Variants in PHF20L1 observed in about 807,000 individuals in gnomAD.
PHF20L1 encodes the protein PHD finger protein 20 like 1.
Under a neutral mutation model 125.5 loss-of-function variants are expected in PHF20L1, and 44 were observed. The observed-to-expected ratio is 0.35, with a 90% confidence interval of 0.28 to 0.45. The LOEUF (loss-of-function observed/expected upper bound fraction) is 0.45, where lower values mean the gene tolerates loss of function less well. Among genes scored for constraint, PHF20L1 ranks in the 20% least tolerant of loss-of-function variants. The pLI is 1.00. For missense variants in PHF20L1, 1,012 were observed against 1,217.2 expected (o/e 0.83, Z 2.51); for synonymous variants, 380 against 403.1 (o/e 0.94, Z 0.69).
At position 132,817,381 on chromosome 8, in the gene PHF20L1, G is replaced by C. The variant is rs576991759; in HGVS notation, c.1415G>C (p.Cys472Ser). The C allele has an allele frequency of 9.9e-6, 16 of 1,612,674 alleles. No homozygotes were observed. The highest frequency in any genetic ancestry group is 7.7e-5 in the South Asian group (7 of 91,056). ...AHLPLEKLGP[C>S]LPLDLSRGSE... ...TTGCCACTTGAGAAGCTGGGACCCT[G>C]TCTCCCTCTTGACTTAAGTCGTGGT... Residue 472 changes from cysteine (C) to serine (S), a missense_variant, in exon 12 of 21, where the codon TGT becomes TCT. Physicochemically the swap from Cys to Ser is moderately radical, Grantham distance 112 (BLOSUM62 -1). This residue lies in a region of PHF20L1 where 320 missense variants were observed against 293.8 expected (regional missense o/e 1.09). Coordinates refer to ENST00000395386, the MANE Select transcript of PHF20L1 (RefSeq NM_016018.5).
chr8:132,825,227 A>G (rs747565884), intron 13 of PHF20L1, 37 bp from the exon 14 acceptor site: 7 of 1,591,008 alleles, frequency 4.4e-6, no homozygotes, highest in Non-Finnish European at 6.0e-6. Flanking sequence ...ACTCAGGATC[A>G]GTCGTGATTG....
intron 2 of PHF20L1, 142 bp downstream of exon 2, chr8:132,778,053 T>C: frequency 1.7e-6 from 1 of 589,088 alleles, no homozygotes; most frequent in Non-Finnish European, 3.0e-6. Flanking sequence ...TGTTTTTTAG[T>C]TTTCCTACTC....
chr8:132,801,193 TC>T (rs1833004024), intron 6 of PHF20L1, among the ~76,000 whole-genome samples: 1 of 151,702 alleles, frequency 6.6e-6, no homozygotes, highest in Non-Finnish European at 1.5e-5. Flanking sequence ...CATTTCTTCT[TC>T]CTGAGGGCGT....
intron 15 of PHF20L1, among the ~76,000 whole-genome samples, chr8:132,835,702 C>T (rs28500471): frequency 0.44 from 67,161 of 151,934 alleles, 14,893 homozygotes; most frequent in South Asian, 0.52. Context: ...GGGGAACTCA[C>T]GGTTCCGGTT....
intron 6 of PHF20L1, among the ~76,000 whole-genome samples, chr8:132,800,988 G>A (rs1832978784): frequency 1.3e-5 from 2 of 151,588 alleles, no homozygotes; most frequent in East Asian, 1.9e-4. Flanking sequence ...GTGTGGAATG[G>A]TAGTGTTGAT....
chr8:132,830,064 A>ACC (rs1836595309), intron 14 of PHF20L1, among the ~76,000 whole-genome samples: 1 of 152,012 alleles, frequency 6.6e-6, no homozygotes, highest in African/African-American at 2.4e-5. Context: ...AGGAGTCCAA[A>ACC]ATGGGTCTCT....
At chr8:132,784,559 G>GGTAA (rs1433221205) in intron 2 of PHF20L1, among the ~76,000 whole-genome samples, 1 of 151,920 alleles carries the variant, frequency 6.6e-6, no homozygotes, top group East Asian at 1.9e-4. Flanking sequence ...TTGAGGCAGA[G>GGTAA]GTAAGATAGA....
rs1830990644 is a variant in PHF20L1 at position 132,786,085 on chromosome 8, A to G, written c.83+8174A>G. 4.6e-5 allele frequency among the ~76,000 whole-genome samples: 7 copies of G among 152,146 alleles called. No individual in the cohort carries two copies. In the South Asian group the frequency reaches 1.4e-3, roughly 32 times the overall value. On this transcript the variant is annotated intron_variant, in intron 2 of 20. Transcript: ENST00000395386. ...GTGACTTTTGGATTGAAAACTAAAC[A>G]TAAGATGATATTTGTTAACCTAGAT...
intron 15 of PHF20L1, among the ~76,000 whole-genome samples, chr8:132,835,790 T>A (rs1489597527): frequency 6.6e-6 from 1 of 152,122 alleles, no homozygotes; most frequent in Non-Finnish European, 1.5e-5. Context: ...GTTTTCCCAC[T>A]CCATGGCTGC....
chr8:132,834,148 C>T (rs1837091349), intron 15 of PHF20L1, among the ~76,000 whole-genome samples: 1 of 152,032 alleles, frequency 6.6e-6, no homozygotes, highest in African/African-American at 2.4e-5. Context: ...ACTTTCAGCT[C>T]TGTCATCCAT....
Position 132,824,026 on chromosome 8 carries a change from A to G in PHF20L1, c.1602A>G (p.Lys534=), listed in dbSNP as rs1835886812. 1 of 1,601,612 alleles carries G rather than the reference A, an allele frequency of 6.2e-7. No individual in the cohort carries two copies. The part of the protein sequence containing the change: ...AAAGISKTEK[K]VKLEDKSSTA... ...CAGGAATATCGAAAACAGAAAAAAAAGTGAAATTGGAAGACAAAAGCTCAA... is the reference window on the plus strand; with the variant it reads ...CAGGAATATCGAAAACAGAAAAAAAGGTGAAATTGGAAGACAAAAGCTCAA... Residue 534 remains lysine (K), a synonymous_variant, in exon 13 of 21, where the codon AAA becomes AAG. Transcript: ENST00000395386.
At position 132,817,400 on chromosome 8, in the gene PHF20L1, T is replaced by G; in HGVS notation, c.1434T>G (p.Ser478Arg). Residue 478 changes from serine (S) to arginine (R), a missense_variant, in exon 12 of 21, where the codon AGT (serine) becomes AGG (arginine). Transcript: ENST00000395386. ...GACCCTGTCTCCCTCTTGACTTAAG[T>G]CGTGGTTCAGAAGTTACAGCACCGG... ...KLGPCLPLDL[S>R]RGSEVTAPVA... The G allele has an allele frequency of 6.2e-7, 1 of 1,612,884 alleles. No individual in the cohort carries two copies. The highest frequency in any genetic ancestry group is 8.5e-7 in the Non-Finnish European group (1 of 1,179,238).
intron 7 of PHF20L1, 174 bp from the exon 8 acceptor site, chr8:132,804,441 C>A (rs557011769): frequency 2.2e-6 from 1 of 462,816 alleles, no homozygotes; most frequent in Non-Finnish European, 3.8e-6. Context: ...CTTTAGTAGT[C>A]TTTTATTTCT....
intron 7 of PHF20L1, among the ~76,000 whole-genome samples, chr8:132,804,394 A>C (rs890746752): frequency 2.0e-5 from 3 of 151,856 alleles, no homozygotes; most frequent in African/African-American, 7.2e-5. Flanking sequence ...AAAAAGCAGT[A>C]AGTTATTTTC....
rs10104060 is a variant in PHF20L1 at position 132,781,975 on chromosome 8, A to G, written c.83+4064A>G. Among the ~76,000 whole-genome samples the G allele has an allele frequency of 5.5e-3, 839 of 152,200 alleles. 38 individuals carry two copies. The East Asian group carries it at 0.11, about 21-fold the overall frequency. On this transcript the variant is annotated intron_variant, in intron 2 of 20. Coordinates refer to ENST00000395386, the MANE Select transcript of PHF20L1 (RefSeq NM_016018.5). Reference sequence around the variant, plus strand: ...TATAGCTTTACAATATTTTAAAAACATTTTCTTTTAACTTTTTCAATCATC... The same window carrying G: ...TATAGCTTTACAATATTTTAAAAACGTTTTCTTTTAACTTTTTCAATCATC...
In PHF20L1 at chr8:132,825,368, C is replaced by T. The variant is rs149978591; in HGVS notation, c.1741C>T (p.His581Tyr). ...KKKKKKKSKQHDYSDYEDSSL... is the reference protein window; with the variant it reads ...KKKKKKKSKQYDYSDYEDSSL... The stretch of plus-strand genomic sequence containing the variant: ...AAAAAAGAAAAAGAAATCTAAGCAA[C>T]ATGGTAAGTACACTGAGATGATTAT... Residue 581 changes from histidine to tyrosine, a missense_variant, in exon 14 of 21, where the codon CAT becomes TAT. His to Tyr is a moderately conservative substitution (Grantham distance 83). This residue lies in a region of PHF20L1 where 320 missense variants were observed against 293.8 expected (regional missense o/e 1.09). Transcript: ENST00000395386. 2.9e-5 allele frequency: 44 copies of T among 1,497,272 alleles called. No homozygotes were observed. In the African/African-American group the frequency reaches 6.1e-4, roughly 21 times the overall value. 92.7% of individuals were successfully genotyped at this position (1,497,272 alleles called of 1,614,324 possible).
chr8:132,817,566 G>T (rs1192831600), intron 12 of PHF20L1, 21 bp downstream of exon 12: 2 of 1,552,766 alleles, frequency 1.3e-6, no homozygotes, highest in Middle Eastern at 1.7e-4. Flanking sequence ...AAAAATAAAG[G>T]CTCCTATAAG....
chr8:132,790,361 A>C (rs1831543113), intron 2 of PHF20L1, among the ~76,000 whole-genome samples: 1 of 152,242 alleles, frequency 6.6e-6, no homozygotes. Context: ...TTACCATTTA[A>C]TGCATTTCAC....
In PHF20L1 at chr8:132,836,608, AATCAGG is replaced by A; in HGVS notation, c.1980_1985del (p.Gln661_Asp662del). 1 of 1,612,668 alleles carries A rather than the reference AATCAGG, an allele frequency of 6.2e-7. No individual in the cohort carries two copies. Among genetic ancestry groups the A allele is most frequent in the Admixed American group, 1.7e-5 (1 of 59,922 alleles). ...TTTGCTTCTGAGTGGGGATGAATAC[AATCAGG>A]ACTTTGATTCAACCAATTTTGAGGA... On this transcript the variant is annotated inframe_deletion, in exon 16 of 21. Transcript: ENST00000395386.
Sources: allele counts gnomAD v4.1 joint callset (sites outside exome capture counted in the v4.1 genomes callset), GRCh38; gene constraint gnomAD v4.1.1; regional missense constraint gnomAD v4.1.1; transcripts MANE v1.5; gene names NCBI Gene and HGNC (gene_info 2026-07-23, HGNC 2026-07-21).